The following MYBL2 variants were observed in gnomAD, a reference collection of about 807,000 sequenced individuals.
MYBL2 encodes the protein myb-related protein B.
In MYBL2, 28 loss-of-function variants were observed where a neutral mutation model predicts 79.9. The ratio of observed to expected loss-of-function variants is 0.35; its 90% confidence interval spans 0.26 to 0.48. The LOEUF is 0.48. MYBL2 is among the 20% of genes least tolerant of loss of function. The pLI is 0.99. For missense variants in MYBL2, 735 were observed against 893.9 expected (o/e 0.82, Z 2.27); for synonymous variants, 378 against 361.2 (o/e 1.05, Z -0.53).
At chr20:43,676,387 T>C (rs2145709243) in intron 2 of MYBL2, among the ~76,000 whole-genome samples, 1 of 152,344 alleles carries the variant, frequency 6.6e-6, no homozygotes, top group Admixed American at 6.5e-5. Flanking sequence ...TTTCTGTTCC[T>C]GTGTTTGCTT....
At chr20:43,693,372 G>T (rs1185542781) in intron 6 of MYBL2, among the ~76,000 whole-genome samples, 1 of 151,920 alleles carries the variant, frequency 6.6e-6, no homozygotes, top group East Asian at 1.9e-4. Context: ...TTGAGATGGA[G>T]TCTCTGTCGC....
At chr20:43,672,367 G>T (rs184113211) in intron 1 of MYBL2, among the ~76,000 whole-genome samples, 2 of 32,054 alleles carry the variant, frequency 6.2e-5, no homozygotes, top group Admixed American at 3.0e-4. Context: ...GAGGCAGGAG[G>T]ATCCCTTGAG....
At chr20:43,694,198 G>A (rs1168807043) in intron 6 of MYBL2, among the ~76,000 whole-genome samples, 5 of 151,676 alleles carry the variant, frequency 3.3e-5, no homozygotes, top group African/African-American at 1.2e-4. Flanking sequence ...TGGGCGTGGT[G>A]GCGGGTGCCT....
At position 43,699,169 on chromosome 20, in the gene MYBL2, G is replaced by A. The variant is rs186539803; in HGVS notation, c.664-588G>A. 2.4e-3 allele frequency among the ~76,000 whole-genome samples: 358 copies of A among 152,182 alleles called. 1 individual carries two copies. The highest frequency in any genetic ancestry group is 6.8e-3 in the Middle Eastern group (2 of 294). On this transcript the variant is annotated intron_variant, in intron 6 of 13. Transcript: ENST00000217026. The stretch of plus-strand genomic sequence containing the variant: ...TTCTCCTGCCTCAGCCTCCCGAGTA[G>A]CTAGGATTACAGGTGCCTGCCACCA...
At chr20:43,709,911 CT>C in intron 9 of MYBL2, 51 bp from the exon 10 acceptor site, 1 of 1,447,966 alleles carries the variant, frequency 6.9e-7, no homozygotes, top group Non-Finnish European at 9.5e-7. Flanking sequence ...AGCAGAGTGC[CT>C]GGCGTCGGCC....
intron 1 of MYBL2, among the ~76,000 whole-genome samples, chr20:43,668,399 A>G (rs1354538242): frequency 6.6e-6 from 1 of 151,688 alleles, no homozygotes; most frequent in Non-Finnish European, 1.5e-5. Flanking sequence ...ACAGGGTTTC[A>G]CCATGTTAGC....
chr20:43,671,578 T>C (rs574872632), intron 1 of MYBL2, among the ~76,000 whole-genome samples: 1 of 150,082 alleles, frequency 6.7e-6, no homozygotes, highest in South Asian at 2.1e-4. Flanking sequence ...GTTCAAGCGA[T>C]TCTCCTGCCT....
intron 1 of MYBL2, among the ~76,000 whole-genome samples, chr20:43,671,383 C>T (rs1320068515): frequency 6.6e-6 from 1 of 151,622 alleles, no homozygotes; most frequent in Non-Finnish European, 1.5e-5. Flanking sequence ...GTCTCGAACT[C>T]CTGACCTTGT....
intron 2 of MYBL2, among the ~76,000 whole-genome samples, chr20:43,675,652 C>G (rs934315551): frequency 1.3e-5 from 2 of 152,066 alleles, no homozygotes; most frequent in African/African-American, 2.4e-5. Flanking sequence ...CCAATGTAAG[C>G]ACCACCCTGA....
At position 43,692,304 on chromosome 20, in the gene MYBL2, G is replaced by A; in HGVS notation, c.648G>A (p.Gln216=). The change falls in exon 6 of 14, where the codon CAG becomes CAA. Residue 216 remains glutamine (Q), a synonymous_variant. Coordinates refer to ENST00000217026, the MANE Select transcript of MYBL2 (RefSeq NM_002466.4). ...ACAAGGACGGCCTCCAGAGTGCCCA[G>A]CCCACGGAAGGCCAGGTGAGACAGC... ...LEDKDGLQSA[Q]PTEGQGSLLT... is the part of the protein sequence containing the mutation. The A allele has an allele frequency of 6.2e-7, 1 of 1,614,140 alleles. No homozygotes were observed. The highest frequency in any genetic ancestry group is 1.1e-5 in the South Asian group (1 of 91,080).
Position 43,706,719 on chromosome 20 carries a change from G to GTT in MYBL2, c.1505+1374_1505+1375dup, listed in dbSNP as rs71193702. Among the ~76,000 whole-genome samples, 26 of 70,782 alleles carry GTT rather than the reference G, an allele frequency of 3.7e-4. 1 individual carries two copies. The highest frequency in any genetic ancestry group is 1.5e-3 in the African/African-American group (25 of 16,768). The allele number at this position is 70,782 out of a possible 152,430, so 46.4% of individuals were successfully genotyped here. On this transcript the variant is annotated intron_variant, in intron 9 of 13. Transcript: ENST00000217026. The stretch of plus-strand genomic sequence containing the variant: ...CTGTCTGTACACAAAAAAAAAAAAA[G>GTT]TTTTTTTTTTTTTTGAGATGGAGTC...
At chr20:43,693,101 T>G (rs548144942) in intron 6 of MYBL2, among the ~76,000 whole-genome samples, 1 of 152,270 alleles carries the variant, frequency 6.6e-6, no homozygotes, top group South Asian at 2.1e-4. Flanking sequence ...GGTGTGATCT[T>G]GGCTCACTGT....
intron 2 of MYBL2, among the ~76,000 whole-genome samples, chr20:43,679,973 C>G (rs1330795302): frequency 6.6e-6 from 1 of 151,922 alleles, no homozygotes; most frequent in African/African-American, 2.4e-5. Context: ...CTCCTCCCAC[C>G]CTCCAGCCCT....
rs761380077 is a variant in MYBL2, at chr20:43,711,600, G to A, written c.1718G>A (p.Gly573Glu). The A allele has an allele frequency of 2.5e-6, 4 of 1,610,750 alleles. No individual in the cohort carries two copies. The Admixed American group carries it at 5.0e-5, about 20-fold the overall frequency. The change falls in exon 11 of 14, where the codon GGG (glycine) becomes GAG (glutamate). Residue 573 changes from glycine to glutamate, a missense_variant and splice_region_variant. By Grantham distance (98) the Gly-to-Glu change is moderately conservative. Around this residue, in one of 5 missense-constraint regions of MYBL2, gnomAD observed 204 missense variants for 202.9 expected, o/e 1.01. Transcript: ENST00000217026. ...CCCGAGAAGCAGAAGAGGAAGCCTG[G>A]GGTGAGTAGGGTAGGGGTGGGAGAG... The part of the protein sequence containing the change: ...IRPEKQKRKP[G>E]LRRSPIKKVR...
At chr20:43,714,310 A>C (rs1987979762) in intron 12 of MYBL2, among the ~76,000 whole-genome samples, 1 of 152,206 alleles carries the variant, frequency 6.6e-6, no homozygotes, top group East Asian at 1.9e-4. Flanking sequence ...CTGCGTCTTT[A>C]TGATGCTTGT....
chr20:43,692,643 A>G (rs1370421577), intron 6 of MYBL2, among the ~76,000 whole-genome samples: 2 of 152,224 alleles, frequency 1.3e-5, no homozygotes, highest in Admixed American at 6.5e-5. Flanking sequence ...CAATAAAAAA[A>G]TCAGAGGTGG....
At chr20:43,710,125 A>G in intron 10 of MYBL2, 63 bp downstream of exon 10, 3 of 1,353,532 alleles carry the variant, frequency 2.2e-6, no homozygotes, top group Non-Finnish European at 2.0e-6. Context: ...TCATCCAACC[A>G]TGTTCAGTCC....
rs530242774 is a variant in MYBL2, at chr20:43,682,572, C to T, written c.187-222C>T. On this transcript the variant is annotated intron_variant, in intron 3 of 13. Transcript: ENST00000217026. Reference sequence around the variant, plus strand: ...GTGTTCGGTTGGTAGGGAGCGGCTTCCCACAGGGGACCGAGTTTGCCCTCT... The same window carrying T: ...GTGTTCGGTTGGTAGGGAGCGGCTTTCCACAGGGGACCGAGTTTGCCCTCT... 2.9e-3 allele frequency among the ~76,000 whole-genome samples: 441 copies of T among 152,320 alleles called. 4 individuals are homozygous for T. Among genetic ancestry groups the T allele is most frequent in the Non-Finnish European group, 1.8e-3 (124 of 68,034 alleles).
chr20:43,711,655 TG>T (rs951348029), intron 11 of MYBL2, 54 bp downstream of exon 11: 30 of 1,489,192 alleles, frequency 2.0e-5, no homozygotes, highest in Admixed American at 3.9e-5. Flanking sequence ...AGCCGTGGCA[TG>T]GGGGAGGCGT....
Sources: allele counts gnomAD v4.1 joint callset (sites outside exome capture counted in the v4.1 genomes callset), GRCh38; gene constraint gnomAD v4.1.1; regional missense constraint gnomAD v4.1.1; transcripts MANE v1.5; gene names NCBI Gene and HGNC (gene_info 2026-07-23, HGNC 2026-07-21).